PTPRD: variants seen among roughly 807,000 people sequenced by gnomAD.
PTPRD encodes the protein protein tyrosine phosphatase receptor type D.
In PTPRD, 34 loss-of-function variants were observed where a neutral mutation model predicts 214.5. That is an observed-to-expected ratio of 0.16 (90% CI 0.12 to 0.21). PTPRD has a LOEUF of 0.21. Among genes scored for constraint, PTPRD ranks in the 10% least tolerant of loss-of-function variants. The probability of loss-of-function intolerance (pLI) is 1.00; values close to 1 mark genes in which losing one functional copy is unlikely to be tolerated. For missense variants in PTPRD, 2,545 were observed against 2,398.7 expected, an observed-to-expected ratio of 1.06 and a Z score of -1.27; for synonymous variants, 1,128 against 845.7, an observed-to-expected ratio of 1.33 and a Z score of -5.79.
At chr9:8,812,458 A>G (rs1283110821) in intron 11 of PTPRD, among the ~76,000 whole-genome samples, 1 of 152,230 alleles carries the variant, frequency 6.6e-6, no homozygotes, top group Non-Finnish European at 1.5e-5. Flanking sequence ...TATATCCATC[A>G]ATTCCCACTT....
chr9:8,968,232 T>C (rs969626420), intron 11 of PTPRD, among the ~76,000 whole-genome samples: 29 of 152,298 alleles, frequency 1.9e-4, no homozygotes, highest in African/African-American at 6.5e-4. Context: ...CATGTGTCTT[T>C]ACAGCAGCAT....
At chr9:9,710,838 C>T (rs749044867) in intron 7 of PTPRD, among the ~76,000 whole-genome samples, 7 of 152,102 alleles carry the variant, frequency 4.6e-5, no homozygotes, top group Admixed American at 2.6e-4. Flanking sequence ...CATTCAATAC[C>T]GTTTGCTAAA....
At chr9:9,563,201 A>C (rs552871549) in intron 8 of PTPRD, among the ~76,000 whole-genome samples, 11 of 152,264 alleles carry the variant, frequency 7.2e-5, no homozygotes, top group Non-Finnish European at 1.0e-4. Context: ...TATAGTAATA[A>C]AAGTTGTAAG....
chr9:10,159,219 CAAAG>C (rs920411046), intron 3 of PTPRD, among the ~76,000 whole-genome samples: 10 of 151,376 alleles, frequency 6.6e-5, no homozygotes, highest in East Asian at 1.9e-4. Context: ...AATGAAAATA[CAAAG>C]AAAGAAAGAA....
chr9:8,814,356 T>C (rs2096877050), intron 11 of PTPRD, among the ~76,000 whole-genome samples: 2 of 143,414 alleles, frequency 1.4e-5, no homozygotes, highest in Admixed American at 7.0e-5. Flanking sequence ...CAAGAATGTC[T>C]TCACGGAGAA....
At chr9:10,568,497 G>A (rs570968799) in intron 2 of PTPRD, among the ~76,000 whole-genome samples, 77 of 152,182 alleles carry the variant, frequency 5.1e-4, no homozygotes, top group African/African-American at 1.7e-3. Flanking sequence ...TGGGATGGCT[G>A]GGTCAAATGG....
intron 14 of PTPRD, among the ~76,000 whole-genome samples, chr9:8,603,695 G>A (rs2095022062): frequency 6.6e-6 from 1 of 152,124 alleles, no homozygotes; most frequent in African/African-American, 2.4e-5. Flanking sequence ...GGAAGTTGAT[G>A]AAAAGTACAT....
At chr9:9,820,876 G>T (rs1375172717) in intron 5 of PTPRD, among the ~76,000 whole-genome samples, 1 of 152,014 alleles carries the variant, frequency 6.6e-6, no homozygotes, top group East Asian at 1.9e-4. Context: ...TGCTGTTTTG[G>T]CTACTATGGA....
At position 10,055,183 on chromosome 9, in the gene PTPRD, C is replaced by T. The variant is rs143365417; in HGVS notation, c.-544-21393G>A. 8.6e-3 allele frequency among the ~76,000 whole-genome samples: 1,305 copies of T among 152,174 alleles called. 12 individuals carry two copies. Among genetic ancestry groups the T allele is most frequent in the Middle Eastern group, 0.031 (9 of 294 alleles). On this transcript the variant is annotated intron_variant, in intron 3 of 45. Coordinates refer to ENST00000381196, the MANE Select transcript of PTPRD (RefSeq NM_002839.4). ...AAGAAATAAATGTCTATTGTTTACGCCACCTAGTACATGGTATTTTGTTAT... is the reference window on the plus strand; with the variant it reads ...AAGAAATAAATGTCTATTGTTTACGTCACCTAGTACATGGTATTTTGTTAT...
Position 9,244,368 on chromosome 9 carries a change from A to G in PTPRD, c.-202-61005T>C, listed in dbSNP as rs972938316. Among the ~76,000 whole-genome samples the G allele has an allele frequency of 6.6e-5, 10 of 152,168 alleles. No homozygotes were observed. In the South Asian group the frequency reaches 1.0e-3, roughly 16 times the overall value. ...AAAAGAACAAAGCTGGAGGCATCAC[A>G]CTACCTGACTTCAAACTATGCTACA... On this transcript the variant is annotated intron_variant, in intron 9 of 45. Coordinates refer to ENST00000381196, the MANE Select transcript of PTPRD (RefSeq NM_002839.4).
intron 3 of PTPRD, among the ~76,000 whole-genome samples, chr9:10,069,442 T>C (rs1441796176): frequency 6.6e-6 from 1 of 152,022 alleles, no homozygotes; most frequent in Non-Finnish European, 1.5e-5. Flanking sequence ...CTGGATTTTC[T>C]CCTCTACATA....
At chr9:9,786,723 G>A (rs950409640) in intron 5 of PTPRD, among the ~76,000 whole-genome samples, 4 of 152,142 alleles carry the variant, frequency 2.6e-5, no homozygotes, top group South Asian at 2.1e-4. Flanking sequence ...GTACACATAC[G>A]TAACAAACCT....
At chr9:8,433,375 T>C (rs554843885) in intron 35 of PTPRD, among the ~76,000 whole-genome samples, 2 of 152,350 alleles carry the variant, frequency 1.3e-5, no homozygotes, top group Admixed American at 6.5e-5. Flanking sequence ...ATACATTTTA[T>C]TGTTATTTTA....
chr9:8,698,640 C>G (rs1306315446), intron 12 of PTPRD, among the ~76,000 whole-genome samples: 1 of 152,142 alleles, frequency 6.6e-6, no homozygotes, highest in Non-Finnish European at 1.5e-5. Context: ...ACCACAGGTT[C>G]AAAATGCATC....
At chr9:10,415,194 T>C (rs2098475516) in intron 2 of PTPRD, among the ~76,000 whole-genome samples, 1 of 151,862 alleles carries the variant, frequency 6.6e-6, no homozygotes, top group Admixed American at 6.6e-5. Context: ...AAAATAAATA[T>C]ACCTCACAAT....
intron 3 of PTPRD, among the ~76,000 whole-genome samples, chr9:10,252,387 A>C (rs1022896579): frequency 6.6e-6 from 1 of 152,076 alleles, no homozygotes; most frequent in Admixed American, 6.5e-5. Context: ...TTATGTGTAC[A>C]CTTTCAAGCC....
intron 5 of PTPRD, among the ~76,000 whole-genome samples, chr9:9,886,364 C>A (rs1407838775): frequency 1.3e-5 from 2 of 152,160 alleles, no homozygotes; most frequent in African/African-American, 2.4e-5. Context: ...TAATGAACTG[C>A]AAATAGCTTT....
At chr9:10,507,723 T>G (rs2046518152) in intron 2 of PTPRD, among the ~76,000 whole-genome samples, 3 of 152,120 alleles carry the variant, frequency 2.0e-5, no homozygotes, top group Admixed American at 2.0e-4. Flanking sequence ...TAATAAATGG[T>G]GCTGGGAAAA....
intron 8 of PTPRD, among the ~76,000 whole-genome samples, chr9:9,498,743 A>G (rs2096289113): frequency 6.6e-6 from 1 of 152,212 alleles, no homozygotes; most frequent in Admixed American, 6.5e-5. Flanking sequence ...GTACAAATAG[A>G]ACAATGAACA....
Sources: gnomAD v4.1 joint callset for allele counts (sites outside exome capture counted in the v4.1 genomes callset) on GRCh38, gnomAD v4.1.1 for gene constraint, MANE v1.5 for transcripts, NCBI Gene and HGNC (gene_info 2026-07-23, HGNC 2026-07-21) for gene names.